KIT: variants seen among roughly 807,000 people sequenced by gnomAD.
KIT encodes the protein KIT proto-oncogene, receptor tyrosine kinase.
Under a neutral mutation model 105.7 loss-of-function variants are expected in KIT, and 16 were observed. That is an observed-to-expected ratio of 0.15 (90% CI 0.10 to 0.23). The LOEUF is 0.23. KIT is among the 10% of genes least tolerant of loss of function. KIT has a pLI of 1.00. For synonymous variants in KIT, 438 were observed against 441.1 expected, an observed-to-expected ratio of 0.99 and a Z score of 0.09; for missense variants, 858 against 1,213.8, an observed-to-expected ratio of 0.71 and a Z score of 4.36.
Position 54,696,019 on chromosome 4 carries a change from A to G in KIT, c.337+238A>G, listed in dbSNP as rs1720041951. ...GTGATACTCTTCCTAATGAGATTAC[A>G]GTAGGTTTAGCCCATTTGTGCTGGT... On this transcript the variant is annotated intron_variant, in intron 2 of 20. Transcript: ENST00000288135. 3 of 569,886 alleles carry G rather than the reference A, an allele frequency of 5.3e-6. No homozygotes were observed. The South Asian group carries it at 6.1e-5, about 12-fold the overall frequency. The allele number at this position is 569,886 out of a possible 1,614,324, so 35.3% of individuals were successfully genotyped here.
Position 54,680,540 on chromosome 4 carries a change from C to T in KIT, c.68-14972C>T, listed in dbSNP as rs371310112. 1.8e-4 allele frequency among the ~76,000 whole-genome samples: 27 copies of T among 151,834 alleles called. No homozygotes were observed. In the South Asian group the frequency reaches 5.0e-3, roughly 28 times the overall value. ...CCGAGTAGCTGGGACTACAGGCGCC[C>T]GCCACCACGCCCGGCTAATTTTTTA... is the stretch of plus-strand genomic sequence containing the variant. On this transcript the variant is annotated intron_variant, in intron 1 of 20. Transcript: ENST00000288135.
rs539926318 is a variant in KIT, at chr4:54,659,853, G to C, written c.67+1772G>C. On this transcript the variant is annotated intron_variant, in intron 1 of 20. Coordinates refer to ENST00000288135, the MANE Select transcript of KIT (RefSeq NM_000222.3). ...GTTTTCTTCTCCCCAATAGATTTTT[G>C]GCAAAGGGAATTTTAAGGTCTGTCT... Among the ~76,000 whole-genome samples the C allele has an allele frequency of 1.2e-4, 18 of 152,134 alleles. No individual in the cohort carries two copies. In the South Asian group the frequency reaches 1.5e-3, roughly 12 times the overall value.
At chr4:54,729,259 C>A (rs2109785276) in intron 13 of KIT, 76 bp from the exon 14 acceptor site, 2 of 1,517,106 alleles carry the variant, frequency 1.3e-6, no homozygotes, top group Non-Finnish European at 1.8e-6. Context: ...CATGACCACC[C>A]TTGGGTATTT....
At chr4:54,695,380 CATAA>C (rs1719983958) in intron 1 of KIT, 128 bp from the exon 2 acceptor site, 1 of 906,308 alleles carries the variant, frequency 1.1e-6, no homozygotes, top group Admixed American at 2.0e-5. Flanking sequence ...TCTTTTCAGC[CATAA>C]ATAGCAGGGC....
intron 16 of KIT, 94 bp from the exon 17 acceptor site, chr4:54,732,971 TTATAA>T: frequency 4.9e-6 from 5 of 1,011,190 alleles, no homozygotes; most frequent in East Asian, 2.6e-5. Flanking sequence ...ATTGGATTTT[TTATAA>T]TATAAGCAAC....
chr4:54,713,450 A>C (rs1232301504), intron 7 of KIT, among the ~76,000 whole-genome samples: 1 of 152,156 alleles, frequency 6.6e-6, no homozygotes, highest in African/African-American at 2.4e-5. Flanking sequence ...AGCCAGTTAC[A>C]TATGTAGGTG....
chr4:54,695,424 A>C (rs1282778837), intron 1 of KIT, 88 bp from the exon 2 acceptor site: 24 of 1,375,020 alleles, frequency 1.7e-5, no homozygotes, highest in Non-Finnish European at 2.4e-5. Context: ...TGTAGAGTAC[A>C]CAGAAGATGG....
intron 1 of KIT, among the ~76,000 whole-genome samples, chr4:54,662,256 G>A (rs1014561492): frequency 1.1e-4 from 16 of 152,174 alleles, no homozygotes; most frequent in South Asian, 6.2e-4. Context: ...GAGACAGGCC[G>A]GCCTACCTTG....
At chr4:54,670,921 A>G (rs1445539262) in intron 1 of KIT, among the ~76,000 whole-genome samples, 1 of 152,156 alleles carries the variant, frequency 6.6e-6, no homozygotes, top group Non-Finnish European at 1.5e-5. Context: ...TCAAACCTAA[A>G]TATAAAAATA....
At chr4:54,733,730 A>G (rs1051520286) in intron 17 of KIT, among the ~76,000 whole-genome samples, 2 of 152,172 alleles carry the variant, frequency 1.3e-5, no homozygotes, top group Non-Finnish European at 2.9e-5. Context: ...TCCTCAGAAC[A>G]AACCCTTGTC....
At chr4:54,720,585 A>G (rs921335279) in intron 7 of KIT, among the ~76,000 whole-genome samples, 1 of 152,260 alleles carries the variant, frequency 6.6e-6, no homozygotes, top group Admixed American at 6.5e-5. Flanking sequence ...TAAAATTAGA[A>G]ATAAAAGAAT....
At position 54,740,184 on chromosome 4, in the gene KIT, G is replaced by T. The variant is rs1167971360; in HGVS notation, c.*1627G>T. On this transcript the variant is annotated 3_prime_UTR_variant, in exon 21 of 21. Transcript: ENST00000288135. ...CTTAGACTACATTTAGAGAACTGTG[G>T]CCGTTATCTGGAAGTAACCATTTGC... is the stretch of plus-strand genomic sequence containing the variant. The T allele has an allele frequency of 4.3e-6, 1 of 233,464 alleles. No homozygotes were observed. The highest frequency in any genetic ancestry group is 5.6e-5 in the Admixed American group (1 of 17,778). The allele number at this position is 233,464 out of a possible 1,614,324, so 14.5% of individuals were successfully genotyped here.
At chr4:54,687,973 A>G (rs1208957873) in intron 1 of KIT, among the ~76,000 whole-genome samples, 2 of 152,178 alleles carry the variant, frequency 1.3e-5, no homozygotes, top group Non-Finnish European at 2.9e-5. Flanking sequence ...ATGAAAGGTA[A>G]GACTTTAATG....
chr4:54,705,719 C>G (rs1475145933), intron 5 of KIT, among the ~76,000 whole-genome samples: 1 of 151,854 alleles, frequency 6.6e-6, no homozygotes, highest in Admixed American at 6.6e-5. Flanking sequence ...CCCATTTCTA[C>G]AAAAAATACA....
Position 54,731,853 on chromosome 4 carries a change from A to G in KIT, c.2234-18A>G, listed in dbSNP as rs999231570. 1.2e-6 allele frequency: 2 copies of G among 1,612,858 alleles called. No individual in the cohort carries two copies. The highest frequency in any genetic ancestry group is 1.7e-6 in the Non-Finnish European group (2 of 1,179,196). On this transcript the variant is annotated intron_variant, in intron 15 of 20. Coordinates refer to ENST00000288135, the MANE Select transcript of KIT (RefSeq NM_000222.3). ...TTTATGGTTGTAATTGCTAAGAAAA[A>G]TCCTCTCTTCCTCACAGGCTCATAC...
At chr4:54,678,330 TTCCTTCCTTCCTTCC>T (rs1718641842) in intron 1 of KIT, among the ~76,000 whole-genome samples, 1 of 99,944 alleles carries the variant, frequency 1.0e-5, no homozygotes, top group Non-Finnish European at 2.0e-5. Flanking sequence ...CCTTCCTTCC[TTCCTTCCTTCCTTCC>T]TTCCTTCCCT....
Position 54,715,391 on chromosome 4 carries a change from C to T in KIT, c.1231+5852C>T, listed in dbSNP as rs533263520. Among the ~76,000 whole-genome samples the T allele has an allele frequency of 3.4e-4, 51 of 150,760 alleles. No individual in the cohort carries two copies. In the South Asian group the frequency reaches 8.4e-3, roughly 25 times the overall value. ...GTTAAAAAAAAAAAAAAAAAATGCC[C>T]GGGGCTGGGTGATTTATAAAGAAAA... On this transcript the variant is annotated intron_variant, in intron 7 of 20. Transcript: ENST00000288135.
chr4:54,711,863 A>G (rs1274762173), intron 7 of KIT, among the ~76,000 whole-genome samples: 1 of 148,916 alleles, frequency 6.7e-6, no homozygotes. Flanking sequence ...TGGGAGACAG[A>G]GGTTGCAGTG....
chr4:54,669,723 AAGAT>A (rs1358604220), intron 1 of KIT, among the ~76,000 whole-genome samples: 7 of 150,394 alleles, frequency 4.7e-5, no homozygotes, highest in Admixed American at 3.3e-4. Flanking sequence ...AAAAAAAAGA[AAGAT>A]GTAATTTGAG....
Sources: gnomAD v4.1 joint callset for allele counts (sites outside exome capture counted in the v4.1 genomes callset) on GRCh38, gnomAD v4.1.1 for gene constraint, MANE v1.5 for transcripts, NCBI Gene and HGNC (gene_info 2026-07-23, HGNC 2026-07-21) for gene names.